The following NF1 variants were observed in gnomAD, a reference collection of about 807,000 sequenced individuals.
NF1 encodes neurofibromin.
In NF1, 122 loss-of-function variants were observed where a neutral mutation model predicts 325.7. The observed-to-expected ratio is 0.37, with a 90% CI of 0.32 to 0.44. The LOEUF (loss-of-function observed/expected upper bound fraction) is 0.44, where lower values mean the gene tolerates loss of function less well. Among genes scored for constraint, NF1 ranks in the 20% least tolerant of loss-of-function variants. The probability of loss-of-function intolerance (pLI) is 1.00; values close to 1 mark genes in which losing one functional copy is unlikely to be tolerated. For missense variants in NF1, 2,140 were observed against 3,415.4 expected (o/e 0.63, Z 9.31); for synonymous variants, 1,091 against 1,186.0 (o/e 0.92, Z 1.65).
chr17:31,226,695 AT>A lies in NF1; in HGVS notation c.2251+12del. 6.2e-7 allele frequency: 1 copy of A among 1,613,588 alleles called. No individual in the cohort carries two copies. Among genetic ancestry groups the A allele is most frequent in the South Asian group, 1.1e-5 (1 of 91,080 alleles). ...ATATGATGTCAACAGGTAAATGTGAATAGTGGTTTTTTTTACTCAGTCTGCC... is the reference window on the plus strand; with the variant it reads ...ATATGATGTCAACAGGTAAATGTGAAAGTGGTTTTTTTTACTCAGTCTGCC... On this transcript the variant is annotated intron_variant, in intron 18 of 57. Coordinates refer to ENST00000358273, the MANE Select transcript of NF1 (RefSeq NM_001042492.3).
chr17:31,162,449 A>G (rs945764078), intron 3 of NF1, among the ~76,000 whole-genome samples: 1 of 152,206 alleles, frequency 6.6e-6, no homozygotes, highest in African/African-American at 2.4e-5. Flanking sequence ...TGCATAGAAT[A>G]GTGAAACTAA....
chr17:31,318,302 A>G, intron 36 of NF1: 4 of 1,599,198 alleles, frequency 2.5e-6, no homozygotes, highest in Non-Finnish European at 3.4e-6. Context: ...ATTTTTCTTC[A>G]CTAACCTATC....
chr17:31,188,775 GA>G (rs35852246), intron 8 of NF1, among the ~76,000 whole-genome samples: 86,559 of 151,822 alleles, frequency 0.57, 27,058 homozygotes, highest in Middle Eastern at 0.77. Flanking sequence ...AGAAAAATGT[GA>G]AAAAGAGAGA....
Position 31,253,009 on chromosome 17 carries a change from G to C in NF1, c.4173+9G>C. 6.2e-7 allele frequency: 1 copy of C among 1,608,492 alleles called. No homozygotes were observed. The highest frequency in any genetic ancestry group is 8.5e-7 in the Non-Finnish European group (1 of 1,175,824). On this transcript the variant is annotated intron_variant, in intron 31 of 57. Transcript: ENST00000358273. ...AGGAAAACAAAAAATCAGTAAGTTT[G>C]GAGAACTTTTTATTAGCTGTTTCTT...
chr17:31,204,608 A>C (rs1293146724), intron 11 of NF1, among the ~76,000 whole-genome samples: 2 of 152,068 alleles, frequency 1.3e-5, no homozygotes, highest in Non-Finnish European at 2.9e-5. Context: ...AAACTATGAA[A>C]ATTACTAAAT....
At chr17:31,181,358 G>T (rs1309305089) in intron 5 of NF1, 64 bp from the exon 6 acceptor site, 2 of 1,416,338 alleles carry the variant, frequency 1.4e-6, no homozygotes, top group Non-Finnish European at 2.0e-6. Flanking sequence ...AAGTTATTTT[G>T]CTCTGAGTTG....
At chr17:31,200,688 A>C in intron 9 of NF1, 93 bp downstream of exon 9, 1 of 1,410,420 alleles carries the variant, frequency 7.1e-7, no homozygotes, top group Non-Finnish European at 9.9e-7. Context: ...TGCTAACATT[A>C]AAGTTCTGAC....
chr17:31,337,254 A>T (rs1328515363), intron 42 of NF1, 114 bp from the exon 43 acceptor site: 3 of 860,028 alleles, frequency 3.5e-6, no homozygotes, highest in African/African-American at 1.7e-5. Flanking sequence ...AGGGAACATG[A>T]TTATGTAATT....
chr17:31,138,775 G>A (rs1362190304), intron 1 of NF1, among the ~76,000 whole-genome samples: 4 of 151,224 alleles, frequency 2.6e-5, no homozygotes, highest in Non-Finnish European at 4.4e-5. Context: ...GTAGAGACGG[G>A]GTTTCACCGT....
At chr17:31,304,452 A>G in intron 36 of NF1, 1 of 1,614,182 alleles carries the variant, frequency 6.2e-7, no homozygotes, top group Non-Finnish European at 8.5e-7. Context: ...CAGATTTATG[A>G]TCTCCACAGT....
intron 29 of NF1, among the ~76,000 whole-genome samples, chr17:31,247,624 A>G (rs7216033): frequency 0.44 from 66,214 of 152,056 alleles, 16,794 homozygotes; most frequent in African/African-American, 0.7. Flanking sequence ...AATATCTAGT[A>G]AAGTTATATC....
At chr17:31,253,986 C>G (rs145267680) in intron 31 of NF1, 169 of 152,194 alleles carry the variant, frequency 1.1e-3, no homozygotes, top group African/African-American at 3.9e-3. Context: ...AGCTTTATGG[C>G]TGGGCACAGT....
At chr17:31,225,072 C>T in intron 16 of NF1, 23 bp from the exon 17 acceptor site, 1 of 1,612,112 alleles carries the variant, frequency 6.2e-7, no homozygotes, top group Non-Finnish European at 8.5e-7. Flanking sequence ...TTCAGTAAAG[C>T]TTATTTATTT....
intron 42 of NF1, 148 bp downstream of exon 42, chr17:31,337,062 A>G: frequency 8.3e-6 from 7 of 841,154 alleles, no homozygotes; most frequent in Middle Eastern, 3.3e-4. Flanking sequence ...ATTACCAAAA[A>G]GAAAATAAAT....
chr17:31,206,880 G>A (rs2066634139), intron 12 of NF1, among the ~76,000 whole-genome samples: 1 of 152,082 alleles, frequency 6.6e-6, no homozygotes, highest in South Asian at 2.1e-4. Flanking sequence ...TTTTACAACT[G>A]ATAGGAACTT....
chr17:31,209,676 G>T (rs1187709598), intron 12 of NF1, among the ~76,000 whole-genome samples: 1 of 151,932 alleles, frequency 6.6e-6, no homozygotes, highest in East Asian at 1.9e-4. Context: ...CCCACTCCGA[G>T]TCCCACTCTG....
At chr17:31,329,562 A>G (rs564303771) in intron 38 of NF1, among the ~76,000 whole-genome samples, 1 of 152,326 alleles carries the variant, frequency 6.6e-6, no homozygotes, top group East Asian at 1.9e-4. Flanking sequence ...AAATTTTTAA[A>G]TTGAGTCTGA....
Position 31,375,284 on chromosome 17 carries a change from C to T in NF1, c.*1129C>T, listed in dbSNP as rs2070716355. On this transcript the variant is annotated 3_prime_UTR_variant, in exon 58 of 58. Transcript: ENST00000358273. ...AATGTCTTTTAATCTTCCTCCTCCT[C>T]TCCAAAAAAATCAGAAACCTCTTTA... is the stretch of plus-strand genomic sequence containing the variant. The T allele has an allele frequency of 4.4e-6, 1 of 227,950 alleles. No individual in the cohort carries two copies. The highest frequency in any genetic ancestry group is 1.8e-4 in the South Asian group (1 of 5,486). The allele number at this position is 227,950 out of a possible 1,614,324, so 14.1% of individuals were successfully genotyped here.
At chr17:31,125,996 C>T (rs989844614) in intron 1 of NF1, among the ~76,000 whole-genome samples, 1 of 152,122 alleles carries the variant, frequency 6.6e-6, no homozygotes, top group African/African-American at 2.4e-5. Context: ...GCCAGCCTGG[C>T]CAACGTGGTA....
Sources: gnomAD v4.1 joint callset for allele counts (sites outside exome capture counted in the v4.1 genomes callset) on GRCh38, gnomAD v4.1.1 for gene constraint, MANE v1.5 for transcripts, NCBI Gene and HGNC (gene_info 2026-07-23, HGNC 2026-07-21) for gene names.